Variants in RGS7BP observed in about 807,000 individuals in gnomAD.
The protein encoded by RGS7BP is regulator of G protein signaling 7 binding protein.
A neutral mutation model predicts 31.3 loss-of-function variants in RGS7BP; 9 were observed. The observed-to-expected ratio is 0.29, with a 90% CI of 0.17 to 0.50. RGS7BP has a LOEUF of 0.50. RGS7BP is among the 20% of genes least tolerant of loss of function. RGS7BP has a pLI of 0.98. For missense variants in RGS7BP, 274 were observed against 322.0 expected (o/e 0.85, Z 1.14); for synonymous variants, 115 against 120.1 (o/e 0.96, Z 0.28).
intron 2 of RGS7BP, among the ~76,000 whole-genome samples, chr5:64,525,197 T>A (rs1206051476): frequency 6.6e-6 from 1 of 151,904 alleles, no homozygotes; most frequent in Non-Finnish European, 1.5e-5. Context: ...CAGATAGGCG[T>A]ATGCAAATAC....
At chr5:64,517,024 A>C (rs1228301230) in intron 2 of RGS7BP, among the ~76,000 whole-genome samples, 1 of 152,024 alleles carries the variant, frequency 6.6e-6, no homozygotes, top group Non-Finnish European at 1.5e-5. Context: ...CAGAAAAAAA[A>C]AAAAAAAAAA....
At chr5:64,572,789 T>A (rs1397748662) in intron 2 of RGS7BP, among the ~76,000 whole-genome samples, 1 of 151,502 alleles carries the variant, frequency 6.6e-6, no homozygotes, top group Non-Finnish European at 1.5e-5. Flanking sequence ...CATTTTAATC[T>A]GTTTTGACTT....
intron 2 of RGS7BP, among the ~76,000 whole-genome samples, chr5:64,512,452 T>G (rs1386764173): frequency 6.6e-6 from 1 of 152,212 alleles, no homozygotes; most frequent in African/African-American, 2.4e-5. Context: ...TGTGCTGCTA[T>G]TCACATGTAG....
chr5:64,559,935 A>C (rs899853124), intron 2 of RGS7BP, among the ~76,000 whole-genome samples: 4 of 152,146 alleles, frequency 2.6e-5, no homozygotes, highest in Non-Finnish European at 5.9e-5. Flanking sequence ...TCCTGGAAAA[A>C]CACTCATTTT....
At chr5:64,528,810 CAAAAAAAAAA>C (rs61488452) in intron 2 of RGS7BP, among the ~76,000 whole-genome samples, 9 of 65,306 alleles carry the variant, frequency 1.4e-4, no homozygotes, top group East Asian at 4.7e-4. Flanking sequence ...GACTCCATCT[CAAAAAAAAAA>C]AAAAAAAAAA....
chr5:64,576,118 G>A (rs938493009), intron 3 of RGS7BP, among the ~76,000 whole-genome samples: 1 of 152,088 alleles, frequency 6.6e-6, no homozygotes, highest in African/African-American at 2.4e-5. Flanking sequence ...CAGAAATTAG[G>A]GCAGCAACAG....
intron 2 of RGS7BP, among the ~76,000 whole-genome samples, chr5:64,530,718 T>G (rs966277950): frequency 6.6e-6 from 1 of 152,208 alleles, no homozygotes. Context: ...GACTTAGCTC[T>G]GTTATTAATC....
At chr5:64,570,936 C>A (rs982701644) in intron 2 of RGS7BP, among the ~76,000 whole-genome samples, 5 of 151,980 alleles carry the variant, frequency 3.3e-5, no homozygotes, top group Non-Finnish European at 5.9e-5. Context: ...TCAATATTTG[C>A]TTTTGGGTTT....
intron 2 of RGS7BP, among the ~76,000 whole-genome samples, chr5:64,550,785 G>A (rs2111835111): frequency 7.4e-6 from 1 of 135,590 alleles, no homozygotes; most frequent in East Asian, 2.2e-4. Context: ...CTGTGTCCAT[G>A]TGTTCTCATT....
chr5:64,549,345 G>A (rs1741735184), intron 2 of RGS7BP, among the ~76,000 whole-genome samples: 1 of 152,210 alleles, frequency 6.6e-6, no homozygotes, highest in African/African-American at 2.4e-5. Context: ...TAGATGTTAA[G>A]GCTTGGGAAT....
intron 2 of RGS7BP, among the ~76,000 whole-genome samples, chr5:64,514,063 A>G (rs1311778446): frequency 6.6e-6 from 1 of 152,162 alleles, no homozygotes; most frequent in African/African-American, 2.4e-5. Flanking sequence ...CTTCTCCTCT[A>G]GCTTCTGGTG....
At position 64,506,924 on chromosome 5, in the gene RGS7BP, G is replaced by A. The variant is rs1307587511; in HGVS notation, c.165+135G>A. 6.2e-6 allele frequency: 5 copies of A among 803,354 alleles called. No individual in the cohort carries two copies. The highest frequency in any genetic ancestry group is 9.6e-6 in the Non-Finnish European group (5 of 520,042). The allele number at this position is 803,354 out of a possible 1,614,324, so 49.8% of individuals were successfully genotyped here. A position where few individuals can be genotyped will look rare whatever the true frequency, so the allele number is the denominator to read the frequency against. ...CCTCAATGCCGATCACGTGGCACAT[G>A]CACTATTTTTAAATCTGCAGTCCCC... On this transcript the variant is annotated intron_variant, in intron 1 of 5. Coordinates refer to ENST00000334025, the MANE Select transcript of RGS7BP (RefSeq NM_001029875.3). The surrounding 1 kb of genome is among the most constrained non-coding windows in gnomAD (Gnocchi z 4.6).
chr5:64,577,492 C>T (rs1742467898), intron 3 of RGS7BP, among the ~76,000 whole-genome samples: 1 of 152,112 alleles, frequency 6.6e-6, no homozygotes. Context: ...CACAGGTGAA[C>T]TAAAAACAAG....
chr5:64,611,252 GT>G lies in RGS7BP; in HGVS notation c.*2003del, dbSNP rs1374051600. On this transcript the variant is annotated 3_prime_UTR_variant, in exon 6 of 6. Transcript: ENST00000334025. Reference sequence around the variant, plus strand: ...GTTTTTGAAATTTTGAAGTAGCCCAGTTTGGCAGCTCTCAGCACCTGCCTCT... The same window carrying G: ...GTTTTTGAAATTTTGAAGTAGCCCAGTTGGCAGCTCTCAGCACCTGCCTCT... The G allele has an allele frequency of 6.6e-6, 1 of 152,022 alleles. No individual in the cohort carries two copies. Among genetic ancestry groups the G allele is most frequent in the East Asian group, 1.9e-4 (1 of 5,152 alleles). 9.4% of individuals were successfully genotyped at this position (152,022 alleles called of 1,614,324 possible).
intron 5 of RGS7BP, among the ~76,000 whole-genome samples, chr5:64,602,421 G>A (rs1743242238): frequency 6.6e-6 from 1 of 152,180 alleles, no homozygotes; most frequent in Non-Finnish European, 1.5e-5. Context: ...ATTATGTTGA[G>A]CTCCTACTCA....
chr5:64,596,304 TC>T (rs1247549687), intron 4 of RGS7BP, among the ~76,000 whole-genome samples: 1 of 152,188 alleles, frequency 6.6e-6, no homozygotes, highest in Non-Finnish European at 1.5e-5. Flanking sequence ...AACTCCGTTC[TC>T]CCTGGCTGTC....
intron 2 of RGS7BP, among the ~76,000 whole-genome samples, chr5:64,525,821 A>G (rs1228180933): frequency 6.6e-6 from 1 of 152,230 alleles, no homozygotes; most frequent in Non-Finnish European, 1.5e-5. Context: ...AGATTCTTCT[A>G]TCACTTGTAA....
intron 2 of RGS7BP, among the ~76,000 whole-genome samples, chr5:64,535,801 A>G (rs916401347): frequency 1.3e-5 from 2 of 152,230 alleles, no homozygotes; most frequent in Non-Finnish European, 2.9e-5. Context: ...TGACCTCAAG[A>G]AGCAACGGAA....
chr5:64,522,315 C>T (rs1360599475), intron 2 of RGS7BP, among the ~76,000 whole-genome samples: 1 of 152,194 alleles, frequency 6.6e-6, no homozygotes, highest in Non-Finnish European at 1.5e-5. Flanking sequence ...CAGTTTTCAT[C>T]ATTTTGAAAG....
Sources: allele counts gnomAD v4.1 joint callset (sites outside exome capture counted in the v4.1 genomes callset), GRCh38; gene constraint gnomAD v4.1.1; non-coding constraint Gnocchi (gnomAD v3.1); transcripts MANE v1.5; gene names NCBI Gene and HGNC (gene_info 2026-07-23, HGNC 2026-07-21).